OSBPL3: variants seen among roughly 807,000 people sequenced by gnomAD.
OSBPL3 encodes the protein oxysterol-binding protein-related protein 3.
OSBPL3 carries 65 observed loss-of-function variants against 120.1 expected under a neutral mutation model. The observed-to-expected ratio is 0.54, with a 90% CI of 0.44 to 0.67. The LOEUF (loss-of-function observed/expected upper bound fraction) is 0.67. OSBPL3 is among the 30% of genes least tolerant of loss of function. The pLI, the probability that OSBPL3 is intolerant of heterozygous loss-of-function variation, is 0.00. For synonymous variants in OSBPL3, 416 were observed against 402.6 expected (o/e 1.03, Z -0.40); for missense variants, 1,004 against 1,082.1 (o/e 0.93, Z 1.01).
At position 24,804,283 on chromosome 7, in the gene OSBPL3, C is replaced by A. The variant is rs1273195871; in HGVS notation, c.2567+32G>T. 15 of 1,613,758 alleles carry A rather than the reference C, an allele frequency of 9.3e-6. No individual in the cohort carries two copies. Among genetic ancestry groups the A allele is most frequent in the Non-Finnish European group, 1.3e-5 (15 of 1,179,830 alleles). ...AGCATAACGTGCTGGCACCACCTATCAACCAAAAACCTACTCAATCCAGGC... is the reference window on the plus strand; with the variant it reads ...AGCATAACGTGCTGGCACCACCTATAAACCAAAAACCTACTCAATCCAGGC... On this transcript the variant is annotated intron_variant, in intron 22 of 22. Transcript: ENST00000313367. This position sits in a 1 kb window ranked among gnomAD's most constrained non-coding sequence, Gnocchi z 5.4.
chr7:24,869,515 C>T (rs1801814849), intron 5 of OSBPL3, among the ~76,000 whole-genome samples: 1 of 152,188 alleles, frequency 6.6e-6, no homozygotes, highest in Non-Finnish European at 1.5e-5. Flanking sequence ...CTCTAGGGAA[C>T]ACCTGGCAAT....
Position 24,798,693 on chromosome 7 carries a change from T to C in OSBPL3, c.*1490A>G, listed in dbSNP as rs1791971173. The C allele has an allele frequency of 6.6e-6, 1 of 152,538 alleles. No homozygotes were observed. The highest frequency in any genetic ancestry group is 6.5e-5 in the Admixed American group (1 of 15,288). The allele number at this position is 152,538 out of a possible 1,614,324, so 9.4% of individuals were successfully genotyped here. On this transcript the variant is annotated 3_prime_UTR_variant, in exon 23 of 23. Coordinates refer to ENST00000313367, the MANE Select transcript of OSBPL3 (RefSeq NM_015550.4). This position sits in a 1 kb window ranked among gnomAD's most constrained non-coding sequence, Gnocchi z 4.6. ...TGACAATGAAAAATCATGCATTCTTTTCCTGTAATTATTTTACTCTTCATT... is the reference window on the plus strand; with the variant it reads ...TGACAATGAAAAATCATGCATTCTTCTCCTGTAATTATTTTACTCTTCATT...
Position 24,821,181 on chromosome 7 carries a change from T to C in OSBPL3, c.1885-943A>G, listed in dbSNP as rs1044309569. Among the ~76,000 whole-genome samples the C allele has an allele frequency of 6.6e-6, 1 of 152,184 alleles. No homozygotes were observed. The highest frequency in any genetic ancestry group is 2.4e-5 in the African/African-American group (1 of 41,430). ...GATTCTTAACAGAGGTGTCTTACAT[T>C]GAGAGTATCTAGCTCAAAGCCTGCA... On this transcript the variant is annotated intron_variant, in intron 16 of 22. Transcript: ENST00000313367. This position sits in a 1 kb window ranked among gnomAD's most constrained non-coding sequence, Gnocchi z 5.5.
At position 24,932,630 on chromosome 7, in the gene OSBPL3, ACTGT is replaced by A. The variant is rs1361365997; in HGVS notation, c.-149-40013_-149-40010del. On this transcript the variant is annotated intron_variant, in intron 1 of 22. Coordinates refer to ENST00000313367, the MANE Select transcript of OSBPL3 (RefSeq NM_015550.4). The surrounding 1 kb of genome is among the most constrained non-coding windows in gnomAD (Gnocchi z 5.6). ...CCCTGTGAGCACACAGCAAAAAGGC[ACTGT>A]CTACCAACCAAAAAACGAGCCTCCC... 6.6e-6 allele frequency among the ~76,000 whole-genome samples: 1 copy of A among 152,166 alleles called. No individual in the cohort carries two copies.
At chr7:24,858,823 C>A (rs777486249) in intron 10 of OSBPL3, among the ~76,000 whole-genome samples, 31 of 152,314 alleles carry the variant, frequency 2.0e-4, no homozygotes, top group Admixed American at 6.5e-5. Context: ...CTTTGTCCTG[C>A]TGAGGAGGCA....
intron 1 of OSBPL3, among the ~76,000 whole-genome samples, chr7:24,920,567 C>A (rs1810269533): frequency 6.6e-6 from 1 of 152,114 alleles, no homozygotes; most frequent in African/African-American, 2.4e-5. Context: ...TAACATGACT[C>A]TGAATATACT....
rs1816565825 is a variant in OSBPL3, at chr7:24,967,849, C to A, written c.-150+12037G>T. ...CTCTGCCCTCTCTCTTGCACTGTTG[C>A]TGGACATGTCTGTGCTGATACCACC... is the stretch of plus-strand genomic sequence containing the variant. On this transcript the variant is annotated intron_variant, in intron 1 of 22. Coordinates refer to ENST00000313367, the MANE Select transcript of OSBPL3 (RefSeq NM_015550.4). The surrounding 1 kb of genome is among the most constrained non-coding windows in gnomAD (Gnocchi z 5.6). Among the ~76,000 whole-genome samples, 1 of 152,186 alleles carries A rather than the reference C, an allele frequency of 6.6e-6. No individual in the cohort carries two copies. Among genetic ancestry groups the A allele is most frequent in the South Asian group, 2.1e-4 (1 of 4,834 alleles).
intron 13 of OSBPL3, among the ~76,000 whole-genome samples, chr7:24,841,884 G>A (rs949688095): frequency 4.0e-5 from 6 of 150,990 alleles, no homozygotes; most frequent in Non-Finnish European, 5.9e-5. Context: ...ACGGTGGCAC[G>A]TGCCTGTAGT....
intron 2 of OSBPL3, among the ~76,000 whole-genome samples, chr7:24,880,820 G>A (rs954542007): frequency 7.9e-5 from 12 of 152,180 alleles, no homozygotes; most frequent in African/African-American, 2.7e-4. Context: ...AGGCTCCTGT[G>A]TGAATGGGAC....
At chr7:24,860,303 C>T (rs1049009646) in intron 10 of OSBPL3, among the ~76,000 whole-genome samples, 2 of 152,118 alleles carry the variant, frequency 1.3e-5, no homozygotes, top group African/African-American at 4.8e-5. Flanking sequence ...TAAGTGGAAC[C>T]CTACAGATAT....
Position 24,883,923 on chromosome 7 carries a change from C to T in OSBPL3, c.96+8454G>A, listed in dbSNP as rs541303755. On this transcript the variant is annotated intron_variant, in intron 2 of 22. Coordinates refer to ENST00000313367, the MANE Select transcript of OSBPL3 (RefSeq NM_015550.4). This position sits in a 1 kb window ranked among gnomAD's most constrained non-coding sequence, Gnocchi z 5.4. ...CAGTCTTATTTCTTCAGCCTTCCTG[C>T]CTCTGAGGTATGTTATAACCATAGG... is the stretch of plus-strand genomic sequence containing the variant. Among the ~76,000 whole-genome samples, 1 of 152,240 alleles carries T rather than the reference C, an allele frequency of 6.6e-6. No individual in the cohort carries two copies. Among genetic ancestry groups the T allele is most frequent in the Admixed American group, 6.5e-5 (1 of 15,288 alleles).
At position 24,966,334 on chromosome 7, in the gene OSBPL3, G is replaced by T. The variant is rs1816376118; in HGVS notation, c.-150+13552C>A. 6.6e-6 allele frequency among the ~76,000 whole-genome samples: 1 copy of T among 151,854 alleles called. No individual in the cohort carries two copies. Among genetic ancestry groups the T allele is most frequent in the Non-Finnish European group, 1.5e-5 (1 of 68,022 alleles). ...TCTTATCTGTGGGTCAGAAAAGGCA[G>T]TCATCTAATATAAAGATCTATCTAC... On this transcript the variant is annotated intron_variant, in intron 1 of 22. Transcript: ENST00000313367. This position sits in a 1 kb window ranked among gnomAD's most constrained non-coding sequence, Gnocchi z 4.8.
chr7:24,820,138 C>T lies in OSBPL3; in HGVS notation c.1948+37G>A, dbSNP rs761864738. The T allele has an allele frequency of 7.4e-7, 1 of 1,353,446 alleles. No homozygotes were observed. Among genetic ancestry groups the T allele is most frequent in the East Asian group, 2.4e-5 (1 of 42,502 alleles). The allele number at this position is 1,353,446 out of a possible 1,614,324, so 83.8% of individuals were successfully genotyped here. On this transcript the variant is annotated intron_variant, in intron 17 of 22. Transcript: ENST00000313367. This position sits in a 1 kb window ranked among gnomAD's most constrained non-coding sequence, Gnocchi z 4.6. The stretch of plus-strand genomic sequence containing the variant: ...GATAAAATAAATAGATAACATATTA[C>T]ACAATATGATGGAAGTAAAATGTAT...
chr7:24,836,049 A>C (rs1011329762), intron 14 of OSBPL3, among the ~76,000 whole-genome samples: 1 of 152,072 alleles, frequency 6.6e-6, no homozygotes, highest in Non-Finnish European at 1.5e-5. Flanking sequence ...ACAAACCTGC[A>C]CATGTACCCC....
Position 24,852,479 on chromosome 7 carries a change from T to A in OSBPL3, c.1158+25A>T. 1 of 1,531,732 alleles carries A rather than the reference T, an allele frequency of 6.5e-7. No individual in the cohort carries two copies. Among genetic ancestry groups the A allele is most frequent in the Non-Finnish European group, 8.7e-7 (1 of 1,145,506 alleles). The allele number at this position is 1,531,732 out of a possible 1,614,324, so 94.9% of individuals were successfully genotyped here. On this transcript the variant is annotated intron_variant, in intron 11 of 22. Transcript: ENST00000313367. This position sits in a 1 kb window ranked among gnomAD's most constrained non-coding sequence, Gnocchi z 4.1. ...ATGAGCCTGGACACATCTCAGGCAT[T>A]CCTGGAGGCAGACATGTAACTTACG... is the stretch of plus-strand genomic sequence containing the variant.
At chr7:24,816,565 G>T in intron 18 of OSBPL3, 45 bp downstream of exon 18, 1 of 1,368,806 alleles carries the variant, frequency 7.3e-7, no homozygotes, top group Non-Finnish European at 1.0e-6. Context: ...CAAAATCTTG[G>T]CCCTAAATTC....
Position 24,852,629 on chromosome 7 carries a change from A to T in OSBPL3, c.1033T>A (p.Phe345Ile). 5 of 1,576,994 alleles carry T rather than the reference A, an allele frequency of 3.2e-6. No homozygotes were observed. The highest frequency in any genetic ancestry group is 4.3e-6 in the Non-Finnish European group (5 of 1,164,868). ...DLCHIAHKVY[F>I]TLRSAFNIMS... ...ATATTAAAAGCTGACCTTAAAGTGA[A>T]GTAAACTATAGAGATAGAATCATTA... The change falls in exon 11 of 23, where the codon TTC becomes ATC. Residue 345 changes from phenylalanine to isoleucine, a missense_variant. Coordinates refer to ENST00000313367, the MANE Select transcript of OSBPL3 (RefSeq NM_015550.4). This position sits in a 1 kb window ranked among gnomAD's most constrained non-coding sequence, Gnocchi z 4.1.
intron 19 of OSBPL3, chr7:24,810,172 G>T: frequency 2.0e-6 from 1 of 499,580 alleles, no homozygotes; most frequent in South Asian, 2.7e-5. Flanking sequence ...ATTGTGGAAT[G>T]GCTAAATCAA....
In OSBPL3 at chr7:24,849,627, T is replaced by G. The variant is rs1798894027; in HGVS notation, c.1159-451A>C. Among the ~76,000 whole-genome samples the G allele has an allele frequency of 6.6e-6, 1 of 152,184 alleles. No homozygotes were observed. Among genetic ancestry groups the G allele is most frequent in the Non-Finnish European group, 1.5e-5 (1 of 68,036 alleles). ...ATGATTGGACATATTTCAATGTTAC[T>G]TAATTATCATACCCATTGAATCAGA... On this transcript the variant is annotated intron_variant, in intron 11 of 22. Transcript: ENST00000313367. The surrounding 1 kb of genome is among the most constrained non-coding windows in gnomAD (Gnocchi z 5.4).
Sources: allele counts gnomAD v4.1 joint callset (sites outside exome capture counted in the v4.1 genomes callset), GRCh38; gene constraint gnomAD v4.1.1; non-coding constraint Gnocchi (gnomAD v3.1); transcripts MANE v1.5; gene names NCBI Gene and HGNC (gene_info 2026-07-23, HGNC 2026-07-21).